Variants in CDK19 observed in about 807,000 individuals in gnomAD.
CDK19 encodes cyclin-dependent kinase 19.
A neutral mutation model predicts 68.3 loss-of-function variants in CDK19; 20 were observed. The observed-to-expected ratio is 0.29, with a 90% CI of 0.21 to 0.43. The LOEUF is 0.43. Ranked by LOEUF, CDK19 falls within the 20% of genes least tolerant of loss-of-function variation. The pLI is 1.00. For missense variants in CDK19, 339 were observed against 623.5 expected, an observed-to-expected ratio of 0.54 and a Z score of 4.86; for synonymous variants, 221 against 222.8, an observed-to-expected ratio of 0.99 and a Z score of 0.07.
intron 1 of CDK19, among the ~76,000 whole-genome samples, chr6:110,761,363 A>C (rs1779218901): frequency 6.6e-6 from 1 of 152,236 alleles, no homozygotes. Context: ...GGATAGTAGC[A>C]GAGGCAATAA....
intron 4 of CDK19, among the ~76,000 whole-genome samples, chr6:110,653,640 G>A (rs1037015589): frequency 6.6e-5 from 10 of 152,158 alleles, no homozygotes; most frequent in Non-Finnish European, 1.3e-4. Context: ...AAATCAGATA[G>A]ATAAACCAAT....
intron 2 of CDK19, among the ~76,000 whole-genome samples, chr6:110,734,426 A>G (rs944088045): frequency 6.6e-6 from 1 of 152,086 alleles, no homozygotes; most frequent in Non-Finnish European, 1.5e-5. Flanking sequence ...AAATTTACAC[A>G]TTGCTGTTTT....
chr6:110,696,697 G>A (rs147251600), intron 2 of CDK19, among the ~76,000 whole-genome samples: 4,034 of 152,188 alleles, frequency 0.027, 80 homozygotes, highest in South Asian at 0.083. Flanking sequence ...TGAGGCAGGC[G>A]GATCACCTGA....
chr6:110,752,239 G>A (rs554679985), intron 1 of CDK19, among the ~76,000 whole-genome samples: 37 of 152,054 alleles, frequency 2.4e-4, no homozygotes, highest in African/African-American at 8.9e-4. Context: ...ATAAATAAAT[G>A]ACAGTAATGC....
At chr6:110,814,834 CG>C in intron 1 of CDK19, 174 bp downstream of exon 1, 2 of 825,068 alleles carry the variant, frequency 2.4e-6, no homozygotes, top group Non-Finnish European at 3.9e-6. Context: ...CGGGGCCGCG[CG>C]GGGGAGGCGG....
At chr6:110,779,734 A>G (rs1409235492) in intron 1 of CDK19, among the ~76,000 whole-genome samples, 2 of 151,984 alleles carry the variant, frequency 1.3e-5, no homozygotes, top group Non-Finnish European at 2.9e-5. Flanking sequence ...TGGGCAAAAC[A>G]GTAAGACCCC....
chr6:110,619,911 AT>A, intron 12 of CDK19, among the ~76,000 whole-genome samples: 1 of 152,110 alleles, frequency 6.6e-6, no homozygotes. Flanking sequence ...AATTATTATT[AT>A]TTTTTAACAC....
intron 2 of CDK19, among the ~76,000 whole-genome samples, chr6:110,733,222 T>A (rs1776896212): frequency 6.6e-6 from 1 of 152,236 alleles, no homozygotes; most frequent in African/African-American, 2.4e-5. Flanking sequence ...ATTTTGTATC[T>A]GGCTTCTTTT....
chr6:110,712,738 C>A (rs1775037139), intron 2 of CDK19, among the ~76,000 whole-genome samples: 1 of 152,092 alleles, frequency 6.6e-6, no homozygotes, highest in Non-Finnish European at 1.5e-5. Flanking sequence ...TGGCTAGAAA[C>A]CATGTCATTA....
chr6:110,665,262 A>C (rs1781854422), intron 4 of CDK19, among the ~76,000 whole-genome samples: 1 of 152,202 alleles, frequency 6.6e-6, no homozygotes, highest in Non-Finnish European at 1.5e-5. Flanking sequence ...AGGAATGAGG[A>C]CTAGAGATGA....
intron 2 of CDK19, among the ~76,000 whole-genome samples, chr6:110,677,366 A>T (rs761110214): frequency 5.9e-5 from 9 of 152,096 alleles, no homozygotes; most frequent in Non-Finnish European, 1.3e-4. Context: ...GATCGAGACC[A>T]TTCTGGCTAA....
At chr6:110,763,414 GT>G (rs1171650120) in intron 1 of CDK19, among the ~76,000 whole-genome samples, 17,520 of 119,886 alleles carry the variant, frequency 0.15, 652 homozygotes, top group East Asian at 0.31. Context: ...CTCTTATTAT[GT>G]TTTTTTTTTT....
chr6:110,661,986 G>A (rs958554819), intron 4 of CDK19, among the ~76,000 whole-genome samples: 1 of 151,958 alleles, frequency 6.6e-6, no homozygotes, highest in Admixed American at 6.6e-5. Flanking sequence ...TTTTTGGGGG[G>A]GGAGACTGAG....
At chr6:110,625,316 C>T (rs1422074248) in intron 8 of CDK19, among the ~76,000 whole-genome samples, 1 of 151,848 alleles carries the variant, frequency 6.6e-6, no homozygotes, top group Admixed American at 6.6e-5. Flanking sequence ...GTAGCATATG[C>T]GTAATAATTT....
intron 2 of CDK19, among the ~76,000 whole-genome samples, chr6:110,720,373 T>TTC (rs1775770391): frequency 6.6e-6 from 1 of 152,116 alleles, no homozygotes; most frequent in Non-Finnish European, 1.5e-5. Context: ...CTCGTGGAGC[T>TTC]TCTCCCTTCA....
intron 2 of CDK19, among the ~76,000 whole-genome samples, chr6:110,681,318 C>T (rs1021383603): frequency 6.6e-6 from 1 of 152,120 alleles, no homozygotes; most frequent in African/African-American, 2.4e-5. Context: ...TGCACTTCAG[C>T]CTGGGCACCA....
At chr6:110,749,660 G>A (rs1778327785) in intron 1 of CDK19, among the ~76,000 whole-genome samples, 3 of 151,812 alleles carry the variant, frequency 2.0e-5, no homozygotes, top group Non-Finnish European at 4.4e-5. Context: ...GCGCCCTCCT[G>A]GCTCTGGAAA....
At chr6:110,812,382 A>G (rs1783174040) in intron 1 of CDK19, among the ~76,000 whole-genome samples, 1 of 152,174 alleles carries the variant, frequency 6.6e-6, no homozygotes, top group Non-Finnish European at 1.5e-5. Flanking sequence ...TCGGCCTCCC[A>G]AAGTGCTGGG....
At chr6:110,759,514 G>A (rs1048079929) in intron 1 of CDK19, among the ~76,000 whole-genome samples, 1 of 147,440 alleles carries the variant, frequency 6.8e-6, no homozygotes, top group Admixed American at 6.8e-5. Context: ...GCAGCAGTAG[G>A]ATAGCTTGAT....
Sources: gnomAD v4.1 joint callset for allele counts (sites outside exome capture counted in the v4.1 genomes callset) on GRCh38, gnomAD v4.1.1 for gene constraint, MANE v1.5 for transcripts, NCBI Gene and HGNC (gene_info 2026-07-23, HGNC 2026-07-21) for gene names.